SCUBE2: variants seen among roughly 807,000 people sequenced by gnomAD.
The protein encoded by SCUBE2 is signal peptide, CUB and EGF-like domain-containing protein 2.
A neutral mutation model predicts 125.9 loss-of-function variants in SCUBE2; 114 were observed. The ratio of observed to expected loss-of-function variants is 0.91; its 90% CI spans 0.78 to 1.06. The LOEUF (loss-of-function observed/expected upper bound fraction) is 1.06, where lower values mean the gene tolerates loss of function less well. SCUBE2 is among the 50% of genes least tolerant of loss of function. The pLI is 0.00. For missense variants in SCUBE2, 1,255 were observed against 1,301.8 expected, an observed-to-expected ratio of 0.96 and a Z score of 0.55; for synonymous variants, 459 against 492.9, an observed-to-expected ratio of 0.93 and a Z score of 0.91.
In SCUBE2 at chr11:9,021,041, T is replaced by G. The variant is rs1275786460; in HGVS notation, c.*4A>C. The G allele has an allele frequency of 6.2e-7, 1 of 1,612,878 alleles. No homozygotes were observed. The highest frequency in any genetic ancestry group is 1.1e-5 in the South Asian group (1 of 90,686). On this transcript the variant is annotated 3_prime_UTR_variant, in exon 23 of 23. Transcript: ENST00000649792. ...CATTTGTATTGAGTGGCACGTGGGC[T>G]GAGTCATTTGTAAGGTCTCAAAAAC...
At chr11:9,033,491 G>T in intron 17 of SCUBE2, 135 bp downstream of exon 17, 1 of 951,056 alleles carries the variant, frequency 1.1e-6, no homozygotes, top group Non-Finnish European at 1.6e-6. Context: ...AGCCAAAGAT[G>T]AATCGAGCCA....
intron 8 of SCUBE2, 77 bp downstream of exon 8, chr11:9,060,331 T>C: frequency 8.9e-7 from 1 of 1,128,546 alleles, no homozygotes; most frequent in South Asian, 1.3e-5. Context: ...GTATGTTGCC[T>C]TTATCCCCAT....
intron 16 of SCUBE2, among the ~76,000 whole-genome samples, chr11:9,045,010 G>A (rs561170443): frequency 5.3e-5 from 8 of 151,968 alleles, no homozygotes; most frequent in South Asian, 2.1e-4. Flanking sequence ...TATCCCTGTC[G>A]CCCTCTGCTA....
intron 7 of SCUBE2, among the ~76,000 whole-genome samples, chr11:9,063,028 C>T (rs1291728662): frequency 6.6e-6 from 1 of 151,790 alleles, no homozygotes; most frequent in Non-Finnish European, 1.5e-5. Context: ...GTCACATAGG[C>T]CAGGAGGTTG....
At chr11:9,066,322 G>A in intron 6 of SCUBE2, among the ~76,000 whole-genome samples, 1 of 152,232 alleles carries the variant, frequency 6.6e-6, no homozygotes, top group East Asian at 1.9e-4. Flanking sequence ...ACACCGTGAA[G>A]GGCAAGGCAG....
At chr11:9,088,050 C>G (rs1328220582) in intron 2 of SCUBE2, among the ~76,000 whole-genome samples, 1 of 152,226 alleles carries the variant, frequency 6.6e-6, no homozygotes, top group Admixed American at 6.5e-5. Flanking sequence ...CTACCATGTA[C>G]CAGGCACTGC....
chr11:9,039,837 T>C (rs1857052660), intron 16 of SCUBE2, among the ~76,000 whole-genome samples: 1 of 152,124 alleles, frequency 6.6e-6, no homozygotes. Context: ...TCTCAATACA[T>C]AGAGAATAGT....
At position 9,040,431 on chromosome 11, in the gene SCUBE2, T is replaced by C. The variant is rs566296051; in HGVS notation, c.2003-6635A>G. Among the ~76,000 whole-genome samples the C allele has an allele frequency of 1.4e-4, 21 of 152,088 alleles. No individual in the cohort carries two copies. The South Asian group carries it at 2.3e-3, about 17-fold the overall frequency. The stretch of plus-strand genomic sequence containing the variant: ...TATGTGACTAACATGGGGGAGGGTA[T>C]ACACCGTGGGTACACAGGAGAAAGG... On this transcript the variant is annotated intron_variant, in intron 16 of 22. Coordinates refer to ENST00000649792, the MANE Select transcript of SCUBE2 (RefSeq NM_001367977.2).
At chr11:9,087,073 C>T (rs76692114) in intron 2 of SCUBE2, among the ~76,000 whole-genome samples, 5,123 of 152,000 alleles carry the variant, frequency 0.034, 304 homozygotes, top group African/African-American at 0.12. Context: ...ATAACAATCA[C>T]ATATCATTTT....
intron 16 of SCUBE2, among the ~76,000 whole-genome samples, chr11:9,036,267 T>C (rs1356615861): frequency 6.6e-6 from 1 of 152,238 alleles, no homozygotes; most frequent in Non-Finnish European, 1.5e-5. Context: ...ATGAGACTGA[T>C]GGCAAATAGA....
intron 2 of SCUBE2, among the ~76,000 whole-genome samples, chr11:9,082,820 TG>T (rs1564851682): frequency 6.6e-6 from 1 of 152,308 alleles, no homozygotes; most frequent in South Asian, 2.1e-4. Flanking sequence ...AGGCTGGGAC[TG>T]GGAATGAGGA....
chr11:9,024,283 C>T, intron 21 of SCUBE2: 3 of 1,093,896 alleles, frequency 2.7e-6, no homozygotes, highest in Non-Finnish European at 2.3e-6. Context: ...GAGAGGTTGC[C>T]AGTTGGTTGC....
At chr11:9,080,573 C>A (rs761539366) in intron 2 of SCUBE2, among the ~76,000 whole-genome samples, 61 of 151,502 alleles carry the variant, frequency 4.0e-4, no homozygotes, top group Non-Finnish European at 8.2e-4. Context: ...ATTGCCTGAG[C>A]CCAACATTGA....
chr11:9,068,476 G>C (rs1860471161), intron 5 of SCUBE2, among the ~76,000 whole-genome samples: 1 of 152,180 alleles, frequency 6.6e-6, no homozygotes, highest in South Asian at 2.1e-4. Flanking sequence ...CAAGGTCCCT[G>C]ACTTGGAGGG....
At chr11:9,087,647 AT>A (rs1249149523) in intron 2 of SCUBE2, among the ~76,000 whole-genome samples, 1 of 152,166 alleles carries the variant, frequency 6.6e-6, no homozygotes, top group African/African-American at 2.4e-5. Flanking sequence ...CTCACTCCTC[AT>A]GCACAAAGGG....
At chr11:9,024,854 G>A (rs538326874) in intron 21 of SCUBE2, among the ~76,000 whole-genome samples, 1 of 152,262 alleles carries the variant, frequency 6.6e-6, no homozygotes, top group South Asian at 2.1e-4. Flanking sequence ...ATAGGGCTTT[G>A]GGCTGTTATA....
chr11:9,089,857 T>G (rs764478216), intron 1 of SCUBE2, 28 bp from the exon 2 acceptor site: 1 of 1,610,604 alleles, frequency 6.2e-7, no homozygotes, highest in Non-Finnish European at 8.5e-7. Flanking sequence ...TGACACCTGG[T>G]ACAGGCTCCC....
At chr11:9,064,334 G>A (rs1419278886) in intron 7 of SCUBE2, among the ~76,000 whole-genome samples, 1 of 152,040 alleles carries the variant, frequency 6.6e-6, no homozygotes, top group East Asian at 1.9e-4. Flanking sequence ...AGGCGCAGTG[G>A]CACATGCCTG....
chr11:9,084,089 A>G (rs2647530), intron 2 of SCUBE2, among the ~76,000 whole-genome samples: 21,836 of 151,938 alleles, frequency 0.14, 1,666 homozygotes, highest in South Asian at 0.21. Context: ...TTGGAGAAGC[A>G]GTTCATTCCA....
Sources: allele counts gnomAD v4.1 joint callset (sites outside exome capture counted in the v4.1 genomes callset), GRCh38; gene constraint gnomAD v4.1.1; transcripts MANE v1.5; gene names NCBI Gene and HGNC (gene_info 2026-07-23, HGNC 2026-07-21).